The following NCAM1 variants were observed in gnomAD, a reference collection of about 807,000 sequenced individuals.
NCAM1 encodes the protein neural cell adhesion molecule 1.
Under a neutral mutation model 109.8 loss-of-function variants are expected in NCAM1, and 14 were observed. The ratio of observed to expected loss-of-function variants is 0.13; its 90% CI spans 0.08 to 0.20. The LOEUF is 0.20. Among genes scored for constraint, NCAM1 ranks in the 10% least tolerant of loss-of-function variants. NCAM1 has a pLI of 1.00. For missense variants in NCAM1, 774 were observed against 1,109.9 expected, an observed-to-expected ratio of 0.70 and a Z score of 4.30; for synonymous variants, 418 against 442.9, an observed-to-expected ratio of 0.94 and a Z score of 0.70.
rs115005898 is a variant in NCAM1, at chr11:113,165,189, A to G, written c.53-37190A>G. ...GTGGCATTGTGGAACCCACCTTTCCATTATTCAGGACCCTCCACAAGGTAG... is the reference window on the plus strand; with the variant it reads ...GTGGCATTGTGGAACCCACCTTTCCGTTATTCAGGACCCTCCACAAGGTAG... On this transcript the variant is annotated intron_variant, in intron 1 of 19. Coordinates refer to ENST00000316851, the MANE Select transcript of NCAM1 (RefSeq NM_181351.5). Among the ~76,000 whole-genome samples the G allele has an allele frequency of 4.9e-3, 740 of 152,274 alleles. 6 individuals carry two copies. The highest frequency in any genetic ancestry group is 0.017 in the African/African-American group (697 of 41,556).
intron 1 of NCAM1, among the ~76,000 whole-genome samples, chr11:113,059,866 A>G (rs897162745): frequency 1.2e-4 from 18 of 152,202 alleles, no homozygotes; most frequent in African/African-American, 3.9e-4. Context: ...CATGTATGTA[A>G]AGCACTTGGC....
At chr11:113,055,283 T>C (rs894802917) in intron 1 of NCAM1, among the ~76,000 whole-genome samples, 1 of 152,120 alleles carries the variant, frequency 6.6e-6, no homozygotes, top group African/African-American at 2.4e-5. Flanking sequence ...AAACACCCTA[T>C]AAAATGGATG....
chr11:113,080,915 C>T (rs17114757), intron 1 of NCAM1, among the ~76,000 whole-genome samples: 18,051 of 152,110 alleles, frequency 0.12, 1,142 homozygotes, highest in African/African-American at 0.14. Flanking sequence ...GGATCCAGAG[C>T]GATATGATTG....
intron 1 of NCAM1, among the ~76,000 whole-genome samples, chr11:113,107,205 T>C (rs1940210956): frequency 6.6e-6 from 1 of 152,168 alleles, no homozygotes; most frequent in Admixed American, 6.5e-5. Flanking sequence ...TTAGAAATAC[T>C]GGGGTTCTTG....
In NCAM1 at chr11:113,140,114, G is replaced by A. The variant is rs547739488; in HGVS notation, c.53-62265G>A. 8.5e-5 allele frequency among the ~76,000 whole-genome samples: 13 copies of A among 152,328 alleles called. 1 individual carries two copies. In the South Asian group the frequency reaches 2.3e-3, roughly 27 times the overall value. ...TTGCAAAATTGAACAGGACAAAGAT[G>A]AAGAAACAGCGCCCATTGTCATGGA... On this transcript the variant is annotated intron_variant, in intron 1 of 19. Coordinates refer to ENST00000316851, the MANE Select transcript of NCAM1 (RefSeq NM_181351.5).
In NCAM1 at chr11:113,270,273, G is replaced by T. The variant is rs782207919; in HGVS notation, c.2217G>T (p.Val739=). The change falls in exon 18 of 20, where the codon GTG becomes GTT. Residue 739 remains valine (V), a synonymous_variant. Coordinates refer to ENST00000316851, the MANE Select transcript of NCAM1 (RefSeq NM_181351.5). ...IVIFVLLLVV[V]DITCYFLNKC... ...TCTTCGTCCTGCTCCTGGTGGTTGT[G>T]GACATCACCTGCTACTTCCTGAACA... The T allele has an allele frequency of 1.1e-5, 18 of 1,613,896 alleles. No individual in the cohort carries two copies. Among genetic ancestry groups the T allele is most frequent in the East Asian group, 8.9e-5 (4 of 44,882 alleles).
In NCAM1 at chr11:113,127,547, T is replaced by G. The variant is rs115565631; in HGVS notation, c.53-74832T>G. Among the ~76,000 whole-genome samples, 434 of 152,312 alleles carry G rather than the reference T, an allele frequency of 2.8e-3. 2 individuals carry two copies. The highest frequency in any genetic ancestry group is 9.8e-3 in the African/African-American group (409 of 41,562). The stretch of plus-strand genomic sequence containing the variant: ...CACCTTTTAAGGCAGGAACTATCTT[T>G]TAGGGATAGTATTTTTAAACCCCCA... On this transcript the variant is annotated intron_variant, in intron 1 of 19. Coordinates refer to ENST00000316851, the MANE Select transcript of NCAM1 (RefSeq NM_181351.5).
intron 15 of NCAM1, among the ~76,000 whole-genome samples, chr11:113,254,804 G>A (rs545144465): frequency 1.0e-3 from 153 of 152,274 alleles, no homozygotes; most frequent in Non-Finnish European, 1.6e-3. Flanking sequence ...TCTCTCTGAG[G>A]TTATGAAATA....
At chr11:112,984,096 C>A (rs1951229160) in intron 1 of NCAM1, among the ~76,000 whole-genome samples, 1 of 151,924 alleles carries the variant, frequency 6.6e-6, no homozygotes, top group Admixed American at 6.6e-5. Context: ...CCATTCTACT[C>A]TGTTTCTATG....
intron 1 of NCAM1, among the ~76,000 whole-genome samples, chr11:113,117,162 C>T (rs905059320): frequency 2.0e-5 from 3 of 151,898 alleles, no homozygotes; most frequent in South Asian, 2.1e-4. Context: ...TTTGGTATTT[C>T]ATCTCATCTG....
At chr11:113,017,237 T>C (rs1341486038) in intron 1 of NCAM1, among the ~76,000 whole-genome samples, 1 of 152,192 alleles carries the variant, frequency 6.6e-6, no homozygotes, top group Non-Finnish European at 1.5e-5. Flanking sequence ...CCCTTGGAGC[T>C]GGAAGAGGTG....
At chr11:113,182,757 C>G (rs753859576) in intron 1 of NCAM1, among the ~76,000 whole-genome samples, 2 of 152,138 alleles carry the variant, frequency 1.3e-5, no homozygotes, top group Non-Finnish European at 2.9e-5. Context: ...GCGAGCAGAG[C>G]CCCCGACTGG....
chr11:113,203,502 C>T (rs1591413812), intron 2 of NCAM1, among the ~76,000 whole-genome samples: 1 of 152,208 alleles, frequency 6.6e-6, no homozygotes, highest in African/African-American at 2.4e-5. Context: ...ACAGGCAGGG[C>T]GCCGCCACAT....
At chr11:113,173,350 G>C (rs1943046588) in intron 1 of NCAM1, among the ~76,000 whole-genome samples, 1 of 151,746 alleles carries the variant, frequency 6.6e-6, no homozygotes, top group Admixed American at 6.6e-5. Flanking sequence ...CGTAAACCTG[G>C]GGTCTAATTT....
At chr11:113,143,613 A>G (rs1363858337) in intron 1 of NCAM1, among the ~76,000 whole-genome samples, 3 of 152,220 alleles carry the variant, frequency 2.0e-5, no homozygotes, top group African/African-American at 4.8e-5. Context: ...AATAGATTGA[A>G]ATTAAATATG....
intron 1 of NCAM1, among the ~76,000 whole-genome samples, chr11:113,117,629 G>A (rs534673013): frequency 6.6e-6 from 1 of 152,014 alleles, no homozygotes; most frequent in African/African-American, 2.4e-5. Context: ...CAGCAACTTT[G>A]TACAGCTGTG....
At chr11:113,018,317 C>CT (rs1308866647) in intron 1 of NCAM1, among the ~76,000 whole-genome samples, 84 of 143,810 alleles carry the variant, frequency 5.8e-4, no homozygotes, top group Admixed American at 7.0e-4. Context: ...TTTTTAAAAC[C>CT]TTTTTTTTTT....
At chr11:112,980,071 A>G (rs542977437) in intron 1 of NCAM1, among the ~76,000 whole-genome samples, 24 of 151,980 alleles carry the variant, frequency 1.6e-4, no homozygotes, top group African/African-American at 5.5e-4. Context: ...CAAATGGGCC[A>G]TAAGGACAAA....
intron 1 of NCAM1, among the ~76,000 whole-genome samples, chr11:113,076,055 A>C (rs1008956608): frequency 6.6e-6 from 1 of 152,206 alleles, no homozygotes; most frequent in Non-Finnish European, 1.5e-5. Context: ...AAAAGGCCTG[A>C]TGTCTGTTGG....
Sources: gnomAD v4.1 joint callset for allele counts (sites outside exome capture counted in the v4.1 genomes callset) on GRCh38, gnomAD v4.1.1 for gene constraint, MANE v1.5 for transcripts, NCBI Gene and HGNC (gene_info 2026-07-23, HGNC 2026-07-21) for gene names.